PHACTR2: variants seen among roughly 807,000 people sequenced by gnomAD.
The protein encoded by PHACTR2 is chromosome 6 open reading frame 56.
Under a neutral mutation model 76.0 loss-of-function variants are expected in PHACTR2, and 30 were observed. The ratio of observed to expected loss-of-function variants is 0.39; its 90% CI spans 0.30 to 0.54. The LOEUF (loss-of-function observed/expected upper bound fraction) is 0.54. Among genes scored for constraint, PHACTR2 ranks in the 20% least tolerant of loss-of-function variants. The pLI is 0.61. For synonymous variants in PHACTR2, 292 were observed against 292.5 expected (o/e 1.00, Z 0.02); for missense variants, 696 against 781.1 (o/e 0.89, Z 1.30).
rs1778761890 is a variant in PHACTR2 at position 143,733,917 on chromosome 6, A to G, written c.215-15068A>G. Among the ~76,000 whole-genome samples the G allele has an allele frequency of 6.6e-6, 1 of 152,140 alleles. No homozygotes were observed. Among genetic ancestry groups the G allele is most frequent in the Non-Finnish European group, 1.5e-5 (1 of 68,018 alleles). On this transcript the variant is annotated intron_variant, in intron 2 of 12. Coordinates refer to ENST00000440869, the MANE Select transcript of PHACTR2 (RefSeq NM_001100164.2). This position sits in a 1 kb window ranked among gnomAD's most constrained non-coding sequence, Gnocchi z 4.0. Reference sequence around the variant, plus strand: ...ATGCTTTTAAAAAATATCGTCTATTATTTTCCTAAAGGTATATAATTGTGT... The same window carrying G: ...ATGCTTTTAAAAAATATCGTCTATTGTTTTCCTAAAGGTATATAATTGTGT...
Position 143,580,569 on chromosome 6 carries a change from A to T in PHACTR2, c.217+43362A>T, listed in dbSNP as rs2128433035. 6.6e-6 allele frequency among the ~76,000 whole-genome samples: 1 copy of T among 152,340 alleles called. No individual in the cohort carries two copies. Among genetic ancestry groups the T allele is most frequent in the East Asian group, 1.9e-4 (1 of 5,192 alleles). ...ACACCTGTAATCCCAGCTACTTGGG[A>T]GGCTGAGGCAGGAGAATTGCTTGAA... On this transcript the variant is annotated intron_variant, in intron 1 of 11. Transcript: ENST00000367584. The surrounding 1 kb of genome is among the most constrained non-coding windows in gnomAD (Gnocchi z 4.2).
Position 143,689,473 on chromosome 6 carries a change from G to A in PHACTR2, c.46+11264G>A, listed in dbSNP as rs1223761016. On this transcript the variant is annotated intron_variant, in intron 1 of 12. Coordinates refer to ENST00000440869, the MANE Select transcript of PHACTR2 (RefSeq NM_001100164.2). This position sits in a 1 kb window ranked among gnomAD's most constrained non-coding sequence, Gnocchi z 4.4. ...AGTTCAGGGGCATCTAAGAAATGTGGAGTTGTTTAAACTGATTCTTTAATT... is the reference window on the plus strand; with the variant it reads ...AGTTCAGGGGCATCTAAGAAATGTGAAGTTGTTTAAACTGATTCTTTAATT... 6.6e-6 allele frequency among the ~76,000 whole-genome samples: 1 copy of A among 152,146 alleles called. No individual in the cohort carries two copies. Among genetic ancestry groups the A allele is most frequent in the East Asian group, 1.9e-4 (1 of 5,190 alleles).
At chr6:143,586,810 C>A (rs1373975137) in intron 1 of PHACTR2, among the ~76,000 whole-genome samples, 5 of 152,176 alleles carry the variant, frequency 3.3e-5, no homozygotes, top group Non-Finnish European at 7.4e-5. Flanking sequence ...TAATTGAAAA[C>A]TGCTTCTGCC....
rs1051716803 is a variant in PHACTR2 at position 143,570,561 on chromosome 6, C to T, written c.217+33354C>T. Reference sequence around the variant, plus strand: ...AGTTTTGTGCCTTTTCAGTTCAGCTCCCAGAGCTGGTCCTGATGAGGTGAC... The same window carrying T: ...AGTTTTGTGCCTTTTCAGTTCAGCTTCCAGAGCTGGTCCTGATGAGGTGAC... On this transcript the variant is annotated intron_variant, in intron 1 of 11. Transcript: ENST00000367584. This position sits in a 1 kb window ranked among gnomAD's most constrained non-coding sequence, Gnocchi z 4.6. Among the ~76,000 whole-genome samples, 1 of 152,150 alleles carries T rather than the reference C, an allele frequency of 6.6e-6. No individual in the cohort carries two copies. Among genetic ancestry groups the T allele is most frequent in the Non-Finnish European group, 1.5e-5 (1 of 68,036 alleles).
intron 11 of PHACTR2, among the ~76,000 whole-genome samples, chr6:143,796,390 TC>T (rs1358616591): frequency 1.4e-5 from 2 of 140,724 alleles, no homozygotes; most frequent in Non-Finnish European, 3.0e-5. Context: ...TTTCTTTCTT[TC>T]TTTCTTTCTT....
intron 1 of PHACTR2, among the ~76,000 whole-genome samples, chr6:143,579,493 T>G (rs966914509): frequency 6.6e-5 from 10 of 151,812 alleles, no homozygotes; most frequent in African/African-American, 2.4e-4. Context: ...CTATTATGTG[T>G]GTAGTTTTTA....
chr6:143,587,085 T>C (rs1370857528), intron 1 of PHACTR2, among the ~76,000 whole-genome samples: 1 of 152,242 alleles, frequency 6.6e-6, no homozygotes, highest in Admixed American at 6.5e-5. Flanking sequence ...TACAGCTCAC[T>C]ACCAGTGTTC....
chr6:143,749,825 T>G (rs2128469923), intron 3 of PHACTR2, among the ~76,000 whole-genome samples: 1 of 152,322 alleles, frequency 6.6e-6, no homozygotes, highest in South Asian at 2.1e-4. Context: ...TTTCATCGCT[T>G]CCACTATTAA....
rs975323724 is a variant in PHACTR2 at position 143,656,043 on chromosome 6, C to A, written c.13+47721C>A. Among the ~76,000 whole-genome samples the A allele has an allele frequency of 2.0e-5, 3 of 152,052 alleles. No homozygotes were observed. Among genetic ancestry groups the A allele is most frequent in the East Asian group, 1.9e-4 (1 of 5,194 alleles). On this transcript the variant is annotated intron_variant, in intron 1 of 11. Coordinates refer to the PHACTR2 transcript ENST00000305766. The surrounding 1 kb of genome is among the most constrained non-coding windows in gnomAD (Gnocchi z 5.3). The stretch of plus-strand genomic sequence containing the variant: ...AAGTTTCTTATCCTAAGGTGATTAC[C>A]GGGGGAAATATTTAAAAGAAGCATC...
intron 10 of PHACTR2, among the ~76,000 whole-genome samples, chr6:143,788,012 G>A (rs1429228036): frequency 1.3e-5 from 2 of 152,172 alleles, no homozygotes; most frequent in Non-Finnish European, 2.9e-5. Context: ...ACCTGTCAGA[G>A]TCTTATTCTT....
At chr6:143,728,229 T>G (rs1778622379) in intron 2 of PHACTR2, among the ~76,000 whole-genome samples, 1 of 144,982 alleles carries the variant, frequency 6.9e-6, no homozygotes, top group Non-Finnish European at 1.5e-5. Context: ...TTTTTTTTTT[T>G]TTTTTTGAGA....
intron 1 of PHACTR2, among the ~76,000 whole-genome samples, chr6:143,642,221 G>T (rs1481616104): frequency 6.6e-6 from 1 of 152,142 alleles, no homozygotes; most frequent in East Asian, 1.9e-4. Flanking sequence ...CTTGGTCTTG[G>T]AATGTCCTAC....
intron 2 of PHACTR2, among the ~76,000 whole-genome samples, chr6:143,729,431 T>G (rs938736339): frequency 1.3e-5 from 2 of 152,160 alleles, no homozygotes; most frequent in African/African-American, 4.8e-5. Flanking sequence ...CAAAGATTTT[T>G]ATCCTATGTT....
Position 143,784,550 on chromosome 6 carries a change from G to T in PHACTR2, c.1707+1270G>T, listed in dbSNP as rs981359953. Among the ~76,000 whole-genome samples, 2 of 152,196 alleles carry T rather than the reference G, an allele frequency of 1.3e-5. No individual in the cohort carries two copies. The highest frequency in any genetic ancestry group is 4.8e-5 in the African/African-American group (2 of 41,446). On this transcript the variant is annotated intron_variant, in intron 10 of 12. Transcript: ENST00000440869. The surrounding 1 kb of genome is among the most constrained non-coding windows in gnomAD (Gnocchi z 4.5). Reference sequence around the variant, plus strand: ...CAAAAGCATTCCAAGGCAGATGGAGGCAATGCTTCATTCCCACAGAAAAGC... The same window carrying T: ...CAAAAGCATTCCAAGGCAGATGGAGTCAATGCTTCATTCCCACAGAAAAGC...
intron 1 of PHACTR2, among the ~76,000 whole-genome samples, chr6:143,704,704 C>A (rs1428450840): frequency 2.0e-5 from 3 of 152,032 alleles, no homozygotes; most frequent in Non-Finnish European, 2.9e-5. Flanking sequence ...TCCCTAATGT[C>A]GTCTTTTTTT....
intron 2 of PHACTR2, among the ~76,000 whole-genome samples, chr6:143,725,914 G>A (rs1280515955): frequency 1.3e-5 from 2 of 152,072 alleles, no homozygotes; most frequent in African/African-American, 4.8e-5. Flanking sequence ...TGACTCACGA[G>A]AGCTTCCTCC....
Position 143,541,367 on chromosome 6 carries a change from C to T in PHACTR2, c.217+4160C>T, listed in dbSNP as rs1258417589. Among the ~76,000 whole-genome samples the T allele has an allele frequency of 6.6e-6, 1 of 152,214 alleles. No individual in the cohort carries two copies. Among genetic ancestry groups the T allele is most frequent in the South Asian group, 2.1e-4 (1 of 4,834 alleles). ...TCAGCAAGTACCGACTGTTGGCCTACTGGGTGCCAGGTGCTGTTCTGGACC... is the reference window on the plus strand; with the variant it reads ...TCAGCAAGTACCGACTGTTGGCCTATTGGGTGCCAGGTGCTGTTCTGGACC... On this transcript the variant is annotated intron_variant, in intron 1 of 11. Transcript: ENST00000367584. This position sits in a 1 kb window ranked among gnomAD's most constrained non-coding sequence, Gnocchi z 5.3.
chr6:143,747,440 G>A (rs1779091445), intron 2 of PHACTR2, among the ~76,000 whole-genome samples: 1 of 152,196 alleles, frequency 6.6e-6, no homozygotes, highest in Non-Finnish European at 1.5e-5. Flanking sequence ...CTTGCTTGAG[G>A]CCCTGGAGCC....
At chr6:143,644,454 T>A (rs570393936) in intron 1 of PHACTR2, among the ~76,000 whole-genome samples, 1 of 106,212 alleles carries the variant, frequency 9.4e-6, no homozygotes, top group Non-Finnish European at 1.7e-5. Flanking sequence ...GGTGACAGAG[T>A]GGGACTCCAT....
Sources: allele counts gnomAD v4.1 joint callset (sites outside exome capture counted in the v4.1 genomes callset), GRCh38; gene constraint gnomAD v4.1.1; non-coding constraint Gnocchi (gnomAD v3.1); transcripts MANE v1.5; gene names NCBI Gene and HGNC (gene_info 2026-07-23, HGNC 2026-07-21).